The following CD59 variants were observed in gnomAD, a reference collection of about 807,000 sequenced individuals.
CD59 encodes CD59 molecule (CD59 blood group).
A neutral mutation model predicts 7.0 loss-of-function variants in CD59; 3 were observed. The ratio of observed to expected loss-of-function variants is 0.43; its 90% CI spans 0.19 to 1.10. The LOEUF is 1.10. Ranked by LOEUF, CD59 falls within the 50% of genes least tolerant of loss-of-function variation. CD59 has a pLI of 0.29. For missense variants in CD59, 143 were observed against 151.0 expected (o/e 0.95, Z 0.28); for synonymous variants, 60 against 62.0 (o/e 0.97, Z 0.15).
At chr11:33,714,784 T>C (rs190723812) in intron 3 of CD59, among the ~76,000 whole-genome samples, 204 of 152,256 alleles carry the variant, frequency 1.3e-3, no homozygotes, top group African/African-American at 3.6e-3. Context: ...TAGTCCTACA[T>C]AGGGTCTGGA....
rs371621250 is a variant in CD59 at position 33,710,110 on chromosome 11, C to G, written c.*16G>C. 4 of 1,592,536 alleles carry G rather than the reference C, an allele frequency of 2.5e-6. No individual in the cohort carries two copies. The African/African-American group carries it at 4.0e-5, about 16-fold the overall frequency. ...GCAGGAACGGGGAGTTTGGGAGAAG[C>G]TCTCCTGGTGTTGACTTAGGGATGA... On this transcript the variant is annotated 3_prime_UTR_variant, in exon 4 of 4. Transcript: ENST00000642928.
Position 33,707,685 on chromosome 11 carries a change from A to G in CD59, c.*2441T>C, listed in dbSNP as rs1853369104. On this transcript the variant is annotated 3_prime_UTR_variant, in exon 4 of 4. Coordinates refer to ENST00000642928, the MANE Select transcript of CD59 (RefSeq NM_000611.6). Reference sequence around the variant, plus strand: ...TGCTCCCTGGTTTCATTTGGAACCAACTGAGACAGACACATGAATCCCTCT... The same window carrying G: ...TGCTCCCTGGTTTCATTTGGAACCAGCTGAGACAGACACATGAATCCCTCT... The G allele has an allele frequency of 6.6e-6, 1 of 152,254 alleles. No individual in the cohort carries two copies. Among genetic ancestry groups the G allele is most frequent in the Non-Finnish European group, 1.5e-5 (1 of 68,052 alleles). The allele number at this position is 152,254 out of a possible 1,614,324, so 9.4% of individuals were successfully genotyped here.
At chr11:33,720,304 G>A (rs1853999396) in intron 2 of CD59, among the ~76,000 whole-genome samples, 1 of 152,228 alleles carries the variant, frequency 6.6e-6, no homozygotes, top group Non-Finnish European at 1.5e-5. Flanking sequence ...AACTCAGGCT[G>A]TCAGTTCTAA....
At chr11:33,734,404 A>G (rs1016105550) in intron 1 of CD59, among the ~76,000 whole-genome samples, 46 of 152,208 alleles carry the variant, frequency 3.0e-4, no homozygotes, top group African/African-American at 9.9e-4. Flanking sequence ...TGCTGCACCT[A>G]TCAACCCATC....
At chr11:33,731,716 T>C (rs1854423084) in intron 1 of CD59, among the ~76,000 whole-genome samples, 2 of 152,344 alleles carry the variant, frequency 1.3e-5, no homozygotes, top group Admixed American at 6.5e-5. Context: ...CAGGTTACTT[T>C]AGATTGGGTT....
intron 1 of CD59, among the ~76,000 whole-genome samples, chr11:33,724,378 G>A (rs1371474075): frequency 6.6e-6 from 1 of 152,232 alleles, no homozygotes; most frequent in African/African-American, 2.4e-5. Context: ...AGGGTTCAGA[G>A]CACAGGCATT....
At chr11:33,736,429 C>G (rs935696507), upstream of CD59, 6 of 152,638 alleles carry the variant, frequency 3.9e-5, no homozygotes, top group Non-Finnish European at 5.9e-5. The surrounding 1 kb of genome is among the most constrained non-coding windows in gnomAD (Gnocchi z 4.4). Context: ...CTTCTGCGCT[C>G]AGCCCCCGCA....
rs960075504 is a variant in CD59, at chr11:33,709,525, C to A, written c.*601G>T. On this transcript the variant is annotated 3_prime_UTR_variant, in exon 4 of 4. Transcript: ENST00000642928. Reference sequence around the variant, plus strand: ...AAAATTTAAAGACAGAGGAAAAACTCGATTTTCAGCCACTTGTACCTCTCT... The same window carrying A: ...AAAATTTAAAGACAGAGGAAAAACTAGATTTTCAGCCACTTGTACCTCTCT... 6.3e-6 allele frequency: 1 copy of A among 159,170 alleles called. No homozygotes were observed. Among genetic ancestry groups the A allele is most frequent in the Admixed American group, 5.9e-5 (1 of 17,080 alleles). The allele number at this position is 159,170 out of a possible 1,614,324, so 9.9% of individuals were successfully genotyped here.
At chr11:33,730,849 G>A (rs1359015687) in intron 1 of CD59, among the ~76,000 whole-genome samples, 1 of 152,214 alleles carries the variant, frequency 6.6e-6, no homozygotes, top group Non-Finnish European at 1.5e-5. Flanking sequence ...CCAAAAAACA[G>A]TTGAACTACT....
At chr11:33,727,277 A>T (rs1328081362) in intron 1 of CD59, among the ~76,000 whole-genome samples, 1 of 152,198 alleles carries the variant, frequency 6.6e-6, no homozygotes, top group Non-Finnish European at 1.5e-5. Flanking sequence ...TCCTCAATAA[A>T]ATACTGGCAA....
chr11:33,703,024 G>T lies in CD59; in HGVS notation c.*7102C>A, dbSNP rs902803837. The T allele has an allele frequency of 2.0e-5, 3 of 152,204 alleles. No homozygotes were observed. The highest frequency in any genetic ancestry group is 4.4e-5 in the Non-Finnish European group (3 of 68,070). 9.4% of individuals were successfully genotyped at this position (152,204 alleles called of 1,614,324 possible). A position where few individuals can be genotyped will look rare whatever the true frequency, so the allele number is the denominator to read the frequency against. ...ATTAAAGGCCCTTAGAAGGAAAAGA[G>T]ATTTTGCGTTATATTTTTTAAATGA... On this transcript the variant is annotated 3_prime_UTR_variant, in exon 4 of 4. Coordinates refer to ENST00000642928, the MANE Select transcript of CD59 (RefSeq NM_000611.6).
rs539388422 is a variant in CD59 at position 33,723,198 on chromosome 11, A to G, written c.-18-735T>C. On this transcript the variant is annotated intron_variant, in intron 1 of 3. Transcript: ENST00000642928. ...TCCCAACTCCAATCCTACATCCCTG[A>G]ACCCATCCTGAAATAAGGAGGTGGC... Among the ~76,000 whole-genome samples, 154 of 152,278 alleles carry G rather than the reference A, an allele frequency of 1.0e-3. No individual in the cohort carries two copies. In the Middle Eastern group the frequency reaches 0.01, roughly 10 times the overall value.
chr11:33,708,258 C>G lies in CD59; in HGVS notation c.*1868G>C, dbSNP rs1853393052. 1 of 152,164 alleles carries G rather than the reference C, an allele frequency of 6.6e-6. No homozygotes were observed. Among genetic ancestry groups the G allele is most frequent in the Non-Finnish European group, 1.5e-5 (1 of 68,042 alleles). The allele number at this position is 152,164 out of a possible 1,614,324, so 9.4% of individuals were successfully genotyped here. A position where few individuals can be genotyped will look rare whatever the true frequency, so the allele number is the denominator to read the frequency against. On this transcript the variant is annotated 3_prime_UTR_variant, in exon 4 of 4. Transcript: ENST00000642928. The stretch of plus-strand genomic sequence containing the variant: ...TTTATATGACCCTTGTTGATTTGGA[C>G]AGCTTAACAGCCCCATCTCCCCATT...
At position 33,710,009 on chromosome 11, in the gene CD59, T is replaced by C. The variant is rs1853467966; in HGVS notation, c.*117A>G. The C allele has an allele frequency of 1.1e-6, 1 of 882,606 alleles. No homozygotes were observed. The highest frequency in any genetic ancestry group is 2.0e-5 in the Admixed American group (1 of 50,138). The allele number at this position is 882,606 out of a possible 1,614,324, so 54.7% of individuals were successfully genotyped here. On this transcript the variant is annotated 3_prime_UTR_variant, in exon 4 of 4. Transcript: ENST00000642928. ...ATCTTAGCCAGGTTGCTCAAGCTAA[T>C]TTTATTCTTTCCCAACAGGATCCAT...
chr11:33,736,106 A>C lies in CD59; in HGVS notation c.-19+276T>G, dbSNP rs1590552359. ...CCGGGTGCGAGGCTGCCCCCGAGGG[A>C]ATGGGGGGCGCGACGGGGGTAACGG... On this transcript the variant is annotated intron_variant, in intron 1 of 3. Transcript: ENST00000642928. This position sits in a 1 kb window ranked among gnomAD's most constrained non-coding sequence, Gnocchi z 4.4. Among the ~76,000 whole-genome samples the C allele has an allele frequency of 6.6e-6, 1 of 151,816 alleles. No individual in the cohort carries two copies. Among genetic ancestry groups the C allele is most frequent in the African/African-American group, 2.4e-5 (1 of 41,328 alleles).
At chr11:33,734,244 T>C (rs1854500636) in intron 1 of CD59, among the ~76,000 whole-genome samples, 2 of 152,114 alleles carry the variant, frequency 1.3e-5, no homozygotes, top group African/African-American at 2.4e-5. Flanking sequence ...AAAACAACCA[T>C]CATAACGGAA....
chr11:33,723,079 C>A, intron 1 of CD59: 1 of 476,132 alleles, frequency 2.1e-6, no homozygotes, highest in Non-Finnish European at 2.8e-6. Context: ...GCCTGAAATG[C>A]CTCCAACCCT....
At position 33,709,785 on chromosome 11, in the gene CD59, C is replaced by A. The variant is rs968259373; in HGVS notation, c.*341G>T. 41 of 428,598 alleles carry A rather than the reference C, an allele frequency of 9.6e-5. No individual in the cohort carries two copies. The highest frequency in any genetic ancestry group is 7.8e-4 in the African/African-American group (39 of 49,734). The allele number at this position is 428,598 out of a possible 1,614,324, so 26.5% of individuals were successfully genotyped here. Reference sequence around the variant, plus strand: ...TACTAATGATGCTAACTGACTACATCCAAGGAGCCAGAGGAAAAATAATCT... The same window carrying A: ...TACTAATGATGCTAACTGACTACATACAAGGAGCCAGAGGAAAAATAATCT... On this transcript the variant is annotated 3_prime_UTR_variant, in exon 4 of 4. Coordinates refer to ENST00000642928, the MANE Select transcript of CD59 (RefSeq NM_000611.6).
intron 3 of CD59, among the ~76,000 whole-genome samples, chr11:33,716,854 AG>A (rs1433495488): frequency 9.9e-5 from 15 of 152,162 alleles, no homozygotes. Flanking sequence ...GCTCAGCTTG[AG>A]TCTCCTCAGG....
Sources: gnomAD v4.1 joint callset for allele counts (sites outside exome capture counted in the v4.1 genomes callset) on GRCh38, gnomAD v4.1.1 for gene constraint, Gnocchi (gnomAD v3.1) non-coding constraint, MANE v1.5 for transcripts, NCBI Gene and HGNC (gene_info 2026-07-23, HGNC 2026-07-21) for gene names.